Variants in WWOX observed in about 807,000 individuals in gnomAD.
WWOX encodes WW domain-containing oxidoreductase.
In WWOX, 69 loss-of-function variants were observed where a neutral mutation model predicts 46.2. The observed-to-expected ratio is 1.49, with a 90% CI of 1.23 to 1.82. The LOEUF (loss-of-function observed/expected upper bound fraction) is 1.82. Among genes scored for constraint, WWOX ranks in the 40% most tolerant of loss-of-function variants. The pLI is 0.00. For synonymous variants in WWOX, 359 were observed against 202.6 expected, an observed-to-expected ratio of 1.77 and a Z score of -6.56; for missense variants, 919 against 542.6, an observed-to-expected ratio of 1.69 and a Z score of -6.89.
chr16:78,471,876 A>AT (rs934686381), intron 8 of WWOX, among the ~76,000 whole-genome samples: 42 of 151,602 alleles, frequency 2.8e-4, no homozygotes, highest in Non-Finnish European at 5.0e-4. Context: ...CCAATTTGCA[A>AT]TTTTTTTTTC....
At chr16:78,388,524 C>G (rs968587978) in intron 6 of WWOX, among the ~76,000 whole-genome samples, 2 of 151,718 alleles carry the variant, frequency 1.3e-5, no homozygotes, top group African/African-American at 4.8e-5. Context: ...GTGCACACCT[C>G]TAGTCCTAGC....
intron 5 of WWOX, among the ~76,000 whole-genome samples, chr16:78,262,312 C>T (rs969110102): frequency 6.6e-6 from 1 of 152,090 alleles, no homozygotes; most frequent in African/African-American, 2.4e-5. Flanking sequence ...TACAGAGAAT[C>T]TCTGGTAGAT....
intron 8 of WWOX, among the ~76,000 whole-genome samples, chr16:78,632,258 C>T (rs1246753207): frequency 2.0e-5 from 3 of 152,020 alleles, no homozygotes; most frequent in Admixed American, 2.0e-4. Context: ...GTATTTGCTT[C>T]CAGGGATTGT....
intron 8 of WWOX, among the ~76,000 whole-genome samples, chr16:78,655,464 T>TA: frequency 6.6e-6 from 1 of 152,356 alleles, no homozygotes; most frequent in South Asian, 2.1e-4. Flanking sequence ...GAATCTCATC[T>TA]GAGTGTGCAG....
intron 8 of WWOX, among the ~76,000 whole-genome samples, chr16:78,871,775 A>G (rs2044133918): frequency 6.6e-6 from 1 of 152,052 alleles, no homozygotes; most frequent in Admixed American, 6.6e-5. Flanking sequence ...AATTTTTTGT[A>G]TCTTTTTTAG....
At chr16:79,152,180 TC>T (rs2050292943) in intron 8 of WWOX, among the ~76,000 whole-genome samples, 1 of 152,080 alleles carries the variant, frequency 6.6e-6, no homozygotes, top group South Asian at 2.1e-4. Context: ...CTTGCATCCC[TC>T]CCCCACGCGA....
intron 8 of WWOX, among the ~76,000 whole-genome samples, chr16:78,781,967 T>C (rs80001029): frequency 0.029 from 4,344 of 152,300 alleles, 240 homozygotes; most frequent in African/African-American, 0.099. Context: ...CCAAGTAAGC[T>C]GAGGCAGAGG....
chr16:78,575,598 C>T (rs1206859575), intron 8 of WWOX, among the ~76,000 whole-genome samples: 1 of 152,094 alleles, frequency 6.6e-6, no homozygotes, highest in Non-Finnish European at 1.5e-5. Flanking sequence ...TTAAGTCGTG[C>T]ATTTGACGCA....
intron 8 of WWOX, among the ~76,000 whole-genome samples, chr16:78,475,679 T>G (rs1391123011): frequency 6.6e-6 from 1 of 152,172 alleles, no homozygotes; most frequent in Non-Finnish European, 1.5e-5. Flanking sequence ...CACTGCAACC[T>G]ACACCTTCTG....
chr16:78,244,242 C>T (rs2037747682), intron 5 of WWOX, among the ~76,000 whole-genome samples: 1 of 152,202 alleles, frequency 6.6e-6, no homozygotes, highest in South Asian at 2.1e-4. Context: ...GTATGTGAAG[C>T]AGTACATGTG....
At chr16:78,263,859 G>T (rs1354015053) in intron 5 of WWOX, among the ~76,000 whole-genome samples, 2 of 152,078 alleles carry the variant, frequency 1.3e-5, no homozygotes, top group African/African-American at 2.4e-5. Context: ...CCTTGGGATG[G>T]ATTCACCAGT....
chr16:78,612,502 G>C (rs2045925301), intron 8 of WWOX, among the ~76,000 whole-genome samples: 1 of 152,208 alleles, frequency 6.6e-6, no homozygotes, highest in Non-Finnish European at 1.5e-5. Context: ...TTTGTAGACA[G>C]AGCTCAATCT....
intron 8 of WWOX, among the ~76,000 whole-genome samples, chr16:78,487,037 C>T (rs966048622): frequency 3.3e-5 from 5 of 152,156 alleles, no homozygotes; most frequent in South Asian, 2.1e-4. Context: ...GACACATGTA[C>T]CCTGCTTGGT....
intron 5 of WWOX, among the ~76,000 whole-genome samples, chr16:78,337,684 C>G (rs932215367): frequency 1.3e-5 from 2 of 152,094 alleles, no homozygotes; most frequent in African/African-American, 4.8e-5. Flanking sequence ...CTCATTTCCC[C>G]AGCAAAGTCC....
intron 8 of WWOX, among the ~76,000 whole-genome samples, chr16:78,934,025 C>G (rs13339656): frequency 0.053 from 8,018 of 151,878 alleles, 674 homozygotes; most frequent in East Asian, 0.26. Context: ...GACACCGTCT[C>G]TCAAAAAAAT....
At chr16:78,786,777 C>T (rs1328827178) in intron 8 of WWOX, among the ~76,000 whole-genome samples, 3 of 152,230 alleles carry the variant, frequency 2.0e-5, no homozygotes, top group African/African-American at 7.2e-5. Context: ...TACACAACAT[C>T]TTCTACATGC....
At chr16:78,497,833 T>C (rs1053871106) in intron 8 of WWOX, among the ~76,000 whole-genome samples, 6 of 146,056 alleles carry the variant, frequency 4.1e-5, no homozygotes, top group African/African-American at 1.5e-4. Flanking sequence ...AAATGGTAGA[T>C]TATACACCGG....
chr16:78,952,856 T>C (rs980204657), intron 8 of WWOX, among the ~76,000 whole-genome samples: 15 of 152,186 alleles, frequency 9.9e-5, no homozygotes, highest in Non-Finnish European at 1.6e-4. Flanking sequence ...ATCTGCGCTT[T>C]AGAGGCACTT....
chr16:78,578,262 A>ATATATATATATATATT (rs1567657297), intron 8 of WWOX, among the ~76,000 whole-genome samples: 1 of 18,976 alleles, frequency 5.3e-5, no homozygotes, highest in African/African-American at 1.6e-4. Flanking sequence ...TTTTATATAT[A>ATATATATATATATATT]TATATATATA....
Sources: allele counts gnomAD v4.1 joint callset (sites outside exome capture counted in the v4.1 genomes callset), GRCh38; gene constraint gnomAD v4.1.1; transcripts MANE v1.5; gene names NCBI Gene and HGNC (gene_info 2026-07-23, HGNC 2026-07-21).